Variants in KDM2A observed in about 807,000 individuals in gnomAD.
The protein encoded by KDM2A is lysine demethylase 2A, also known as lysine-specific demethylase 2A.
A neutral mutation model predicts 137.3 loss-of-function variants in KDM2A; 3 were observed. The observed-to-expected ratio is 0.02, with a 90% CI of 0.01 to 0.06. The LOEUF (loss-of-function observed/expected upper bound fraction) is 0.06, where lower values mean the gene tolerates loss of function less well. Ranked by LOEUF, KDM2A falls within the 10% of genes least tolerant of loss-of-function variation. The probability of loss-of-function intolerance (pLI) is 1.00; values close to 1 mark genes in which losing one functional copy is unlikely to be tolerated. For synonymous variants in KDM2A, 512 were observed against 541.5 expected (o/e 0.95, Z 0.76); for missense variants, 738 against 1,510.6 (o/e 0.49, Z 8.48).
chr11:67,173,186 G>A (rs1037806379), intron 2 of KDM2A, among the ~76,000 whole-genome samples: 2 of 152,032 alleles, frequency 1.3e-5, no homozygotes, highest in African/African-American at 4.8e-5. Flanking sequence ...GCAGTGGCGC[G>A]ATCTCAGCAC....
intron 5 of KDM2A, among the ~76,000 whole-genome samples, chr11:67,184,092 T>C (rs1373973821): frequency 7.1e-6 from 1 of 140,540 alleles, no homozygotes; most frequent in African/African-American, 2.8e-5. Context: ...AGTGAGACCC[T>C]GTCTCAAAAA....
intron 2 of KDM2A, among the ~76,000 whole-genome samples, chr11:67,157,411 CTTTA>C (rs1301195352): frequency 6.7e-6 from 1 of 149,702 alleles, no homozygotes; most frequent in Non-Finnish European, 1.5e-5. Context: ...AAGTAGTAAA[CTTTA>C]TTTTTTAAAA....
At chr11:67,186,418 T>C (rs1400092029) in intron 5 of KDM2A, among the ~76,000 whole-genome samples, 3 of 152,182 alleles carry the variant, frequency 2.0e-5, no homozygotes, top group Non-Finnish European at 4.4e-5. Flanking sequence ...AAAACTGTCC[T>C]TCAAAAGGGG....
chr11:67,219,508 C>G (rs2136401965), intron 10 of KDM2A, 105 bp downstream of exon 10: 1 of 537,472 alleles, frequency 1.9e-6, no homozygotes, highest in African/African-American at 2.0e-5. Context: ...ATTTTTCTTT[C>G]AGTTAAAATG....
At chr11:67,230,951 G>GTT (rs1422231324) in intron 11 of KDM2A, among the ~76,000 whole-genome samples, 2 of 149,706 alleles carry the variant, frequency 1.3e-5, no homozygotes, top group Middle Eastern at 3.5e-3. Context: ...AAGTTTTTTG[G>GTT]TTTTTTTTTG....
intron 2 of KDM2A, among the ~76,000 whole-genome samples, chr11:67,155,435 C>T (rs1256704212): frequency 1.3e-5 from 2 of 151,574 alleles, no homozygotes; most frequent in Non-Finnish European, 1.5e-5. Context: ...CAGCCTCCTG[C>T]GTATCTGGGG....
chr11:67,142,557 G>GGGGGTTGGGGTTGGGGTTGGGGTT (rs56758864), intron 2 of KDM2A, among the ~76,000 whole-genome samples: 1 of 115,258 alleles, frequency 8.7e-6, no homozygotes, highest in Non-Finnish European at 2.0e-5. Context: ...AAGTTGGCCG[G>GGGGGTTGGGGTTGGGGTTGGGGTT]GGGGTTGGGG....
At chr11:67,157,269 C>T (rs1328873292) in intron 2 of KDM2A, among the ~76,000 whole-genome samples, 10 of 149,158 alleles carry the variant, frequency 6.7e-5, no homozygotes, top group Non-Finnish European at 1.2e-4. Context: ...GCCAAAATCG[C>T]GCCACTGCAC....
At chr11:67,139,338 A>G (rs1305738733) in intron 2 of KDM2A, among the ~76,000 whole-genome samples, 3 of 150,864 alleles carry the variant, frequency 2.0e-5, no homozygotes, top group Admixed American at 6.6e-5. Context: ...TCCGCCTCCC[A>G]GGTTCAAATG....
At chr11:67,156,102 G>A (rs1019679813) in intron 2 of KDM2A, among the ~76,000 whole-genome samples, 2 of 150,324 alleles carry the variant, frequency 1.3e-5, no homozygotes, top group African/African-American at 4.9e-5. Flanking sequence ...ATACAAAATA[G>A]CTGTGCGTGG....
chr11:67,171,263 T>A (rs1317496585), intron 2 of KDM2A, among the ~76,000 whole-genome samples: 1 of 152,146 alleles, frequency 6.6e-6, no homozygotes, highest in Non-Finnish European at 1.5e-5. Flanking sequence ...CCATCAGGTC[T>A]CCCTCAGTGT....
intron 5 of KDM2A, among the ~76,000 whole-genome samples, chr11:67,191,326 A>C (rs1161543014): frequency 6.6e-6 from 1 of 152,154 alleles, no homozygotes; most frequent in Non-Finnish European, 1.5e-5. Context: ...CGCCCGACCA[A>C]GGGAACACTT....
intron 6 of KDM2A, among the ~76,000 whole-genome samples, chr11:67,214,074 CTT>C (rs1456283963): frequency 2.6e-5 from 4 of 151,984 alleles, no homozygotes; most frequent in African/African-American, 4.8e-5. Context: ...GCGTTTCGCT[CTT>C]GTTTCCCAGG....
intron 2 of KDM2A, among the ~76,000 whole-genome samples, chr11:67,146,543 T>G (rs896929392): frequency 4.6e-5 from 7 of 152,022 alleles, no homozygotes; most frequent in African/African-American, 1.7e-4. Flanking sequence ...GGGTCTCACT[T>G]TGTTATCCAC....
At chr11:67,177,984 A>G (rs1414050332) in intron 2 of KDM2A, among the ~76,000 whole-genome samples, 2 of 152,216 alleles carry the variant, frequency 1.3e-5, no homozygotes, top group Non-Finnish European at 2.9e-5. Context: ...TGCAGTTCAT[A>G]TATATTGACT....
At chr11:67,242,332 A>G (rs930835928) in intron 12 of KDM2A, among the ~76,000 whole-genome samples, 17 of 151,958 alleles carry the variant, frequency 1.1e-4, no homozygotes, top group African/African-American at 4.1e-4. Flanking sequence ...AAGAGATTTG[A>G]GATTGAGATT....
rs1857372705 is a variant in KDM2A at position 67,192,229 on chromosome 11, G to GGTTTTTA, written c.307+10338_307+10344dup. On this transcript the variant is annotated intron_variant, in intron 5 of 20. Coordinates refer to ENST00000529006, the MANE Select transcript of KDM2A (RefSeq NM_012308.3). ...TCTCTCCAGAGATAGGCACTCCCTT[G>GGTTTTTA]GTTTTTAATGCAGTCTGTAGACATG... Among the ~76,000 whole-genome samples, 3 of 151,848 alleles carry GGTTTTTA rather than the reference G, an allele frequency of 2.0e-5. No individual in the cohort carries two copies. In the South Asian group the frequency reaches 6.2e-4, roughly 31 times the overall value.
At chr11:67,242,671 C>A (rs1859082970) in intron 12 of KDM2A, among the ~76,000 whole-genome samples, 1 of 152,144 alleles carries the variant, frequency 6.6e-6, no homozygotes, top group Non-Finnish European at 1.5e-5. Flanking sequence ...TCCCCCACCA[C>A]CACCATCCGC....
intron 2 of KDM2A, among the ~76,000 whole-genome samples, chr11:67,169,545 A>G (rs1268058693): frequency 6.8e-6 from 1 of 148,060 alleles, no homozygotes; most frequent in Non-Finnish European, 1.5e-5. Context: ...ATACCTGGCT[A>G]ATTGTTTTTT....
Sources: allele counts gnomAD v4.1 joint callset (sites outside exome capture counted in the v4.1 genomes callset), GRCh38; gene constraint gnomAD v4.1.1; transcripts MANE v1.5; gene names NCBI Gene and HGNC (gene_info 2026-07-23, HGNC 2026-07-21).